Variants in C12orf42 observed in about 807,000 individuals in gnomAD.
C12orf42 encodes the protein chromosome 12 open reading frame 42.
C12orf42 carries 25 observed loss-of-function variants against 21.6 expected under a neutral mutation model. The observed-to-expected ratio is 1.16, with a 90% CI of 0.84 to 1.62. The LOEUF is 1.62. Ranked by LOEUF, C12orf42 falls within the 40% of genes most tolerant of loss-of-function variation. The pLI is 0.00. For synonymous variants in C12orf42, 174 were observed against 175.0 expected, an observed-to-expected ratio of 0.99 and a Z score of 0.05; for missense variants, 483 against 459.3, an observed-to-expected ratio of 1.05 and a Z score of -0.47.
intron 2 of C12orf42, among the ~76,000 whole-genome samples, chr12:103,417,014 C>T (rs943879948): frequency 2.6e-5 from 4 of 152,150 alleles, no homozygotes; most frequent in African/African-American, 9.7e-5. Context: ...CTCTCCATAC[C>T]TTCCCTATCT....
chr12:103,496,212 T>A (rs1955538916), upstream of C12orf42, among the ~76,000 whole-genome samples: 1 of 152,190 alleles, frequency 6.6e-6, no homozygotes. Flanking sequence ...CCGATGTTTA[T>A]CAAAATGGGT....
the C12orf42 span, among the ~76,000 whole-genome samples, chr12:103,068,916 T>TAG: frequency 1.6e-5 from 2 of 125,904 alleles, no homozygotes; most frequent in African/African-American, 2.9e-5. Context: ...GATATAGATA[T>TAG]ATATATCTCT....
intron 5 of C12orf42, chr12:103,270,379 A>G (rs1480463132): frequency 3.9e-5 from 5 of 128,118 alleles, no homozygotes; most frequent in South Asian, 2.9e-4. Context: ...GAAGGAAGGA[A>G]GGGAGGGAGG....
the C12orf42 span, among the ~76,000 whole-genome samples, chr12:103,131,783 T>C: frequency 5.9e-5 from 9 of 152,070 alleles, no homozygotes; most frequent in Non-Finnish European, 1.3e-4. Context: ...TGTTGGATGA[T>C]GTTGTTGAGG....
the C12orf42 span, among the ~76,000 whole-genome samples, chr12:103,108,628 G>A: frequency 6.6e-6 from 1 of 152,046 alleles, no homozygotes; most frequent in African/African-American, 2.4e-5. Flanking sequence ...AAGACAATCT[G>A]TCTCAAACTG....
At chr12:103,174,967 ATG>A in the C12orf42 span, among the ~76,000 whole-genome samples, 1 of 152,198 alleles carries the variant, frequency 6.6e-6, no homozygotes, top group South Asian at 2.1e-4. Flanking sequence ...ACATATGCTA[ATG>A]TATGAAATTA....
chr12:103,234,662 T>G (rs1174868995), downstream of C12orf42, among the ~76,000 whole-genome samples: 24 of 152,136 alleles, frequency 1.6e-4, no homozygotes, highest in Admixed American at 1.6e-3. Context: ...TTGCTTTGTT[T>G]TCTAACCCTG....
chr12:103,346,861 C>T (rs2042666870), intron 4 of C12orf42, among the ~76,000 whole-genome samples: 8 of 152,154 alleles, frequency 5.3e-5, no homozygotes. Flanking sequence ...TGGCTTAAAA[C>T]AAGTTTCCAA....
At chr12:103,161,358 C>T in the C12orf42 span, 2 of 146,360 alleles carry the variant, frequency 1.4e-5, no homozygotes, top group Non-Finnish European at 3.0e-5. Flanking sequence ...TAGTGCCTAG[C>T]ACTAGTTCTG....
chr12:103,393,391 G>T (rs1179861505), intron 3 of C12orf42, among the ~76,000 whole-genome samples: 1 of 152,080 alleles, frequency 6.6e-6, no homozygotes, highest in Non-Finnish European at 1.5e-5. Flanking sequence ...ACTATCACAA[G>T]AACAGTACCA....
intron 10 of C12orf42, among the ~76,000 whole-genome samples, chr12:103,248,671 A>T (rs1363816542): frequency 6.6e-6 from 1 of 152,022 alleles, no homozygotes; most frequent in Non-Finnish European, 1.5e-5. Flanking sequence ...TAGTTTTTTG[A>T]GGCAGCCTTC....
chr12:103,414,913 G>A (rs1243366641), intron 2 of C12orf42, among the ~76,000 whole-genome samples: 1 of 152,038 alleles, frequency 6.6e-6, no homozygotes, highest in East Asian at 1.9e-4. Flanking sequence ...AGGACTTCTA[G>A]TATTATGTTG....
the C12orf42 span, among the ~76,000 whole-genome samples, chr12:103,145,318 G>T: frequency 1.3e-5 from 2 of 152,068 alleles, no homozygotes; most frequent in Non-Finnish European, 2.9e-5. Context: ...CAGTTCAGTT[G>T]CCCTTTGTCA....
the C12orf42 span, among the ~76,000 whole-genome samples, chr12:103,077,889 T>G: frequency 6.6e-6 from 1 of 152,180 alleles, no homozygotes; most frequent in African/African-American, 2.4e-5. Context: ...ATTGGTGACA[T>G]TCATTCTTCA....
the C12orf42 span, among the ~76,000 whole-genome samples, chr12:103,198,198 T>C: frequency 9.9e-5 from 15 of 152,000 alleles, no homozygotes; most frequent in Admixed American, 4.6e-4. Flanking sequence ...TGGCCGTGGG[T>C]GAATGAGTGC....
At chr12:103,525,335 A>G in the C12orf42 span, among the ~76,000 whole-genome samples, 1 of 152,020 alleles carries the variant, frequency 6.6e-6, no homozygotes, top group Non-Finnish European at 1.5e-5. Context: ...TGGCTATGAA[A>G]TTCTGGAATC....
At chr12:103,391,243 G>A (rs2047054321) in intron 3 of C12orf42, among the ~76,000 whole-genome samples, 1 of 152,012 alleles carries the variant, frequency 6.6e-6, no homozygotes, top group Admixed American at 6.6e-5. Flanking sequence ...ATGCTGCTAT[G>A]AACACTGGTA....
intron 2 of C12orf42, among the ~76,000 whole-genome samples, chr12:103,468,380 G>T (rs773785007): frequency 6.6e-6 from 1 of 152,230 alleles, no homozygotes; most frequent in African/African-American, 2.4e-5. Context: ...CTCACTGGGT[G>T]TGTATCGTCT....
chr12:103,390,776 A>T (rs1399572925), intron 3 of C12orf42, among the ~76,000 whole-genome samples: 1 of 152,222 alleles, frequency 6.6e-6, no homozygotes, highest in Non-Finnish European at 1.5e-5. Context: ...AAGAGATGAC[A>T]TCTTAGTTCA....
Sources: gnomAD v4.1 joint callset for allele counts (sites outside exome capture counted in the v4.1 genomes callset) on GRCh38, gnomAD v4.1.1 for gene constraint, MANE v1.5 for transcripts, NCBI Gene and HGNC (gene_info 2026-07-23, HGNC 2026-07-21) for gene names.